The following CNBD2 variants were observed in gnomAD, a reference collection of about 807,000 sequenced individuals.
The protein encoded by CNBD2 is cyclic nucleotide-binding domain-containing protein 2.
Under a neutral mutation model 63.7 loss-of-function variants are expected in CNBD2, and 64 were observed. That is an observed-to-expected ratio of 1.00 (90% CI 0.82 to 1.24). The LOEUF is 1.24. Ranked by LOEUF, CNBD2 falls within the 50% of genes most tolerant of loss-of-function variation. The pLI, the probability that CNBD2 is intolerant of heterozygous loss-of-function variation, is 0.00. For synonymous variants in CNBD2, 229 were observed against 255.4 expected (o/e 0.90, Z 0.99); for missense variants, 691 against 713.5 (o/e 0.97, Z 0.36).
intron 3 of CNBD2, among the ~76,000 whole-genome samples, chr20:35,979,050 G>T (rs2056561445): frequency 6.6e-6 from 1 of 152,180 alleles, no homozygotes; most frequent in Non-Finnish European, 1.5e-5. Flanking sequence ...GTGGGATTAT[G>T]GTCAGTCATT....
intron 8 of CNBD2, among the ~76,000 whole-genome samples, chr20:36,001,927 A>G (rs1221217955): frequency 2.1e-5 from 3 of 145,848 alleles, no homozygotes; most frequent in African/African-American, 7.7e-5. Context: ...GCAGCCAGGC[A>G]GAGGGGCTCC....
At chr20:35,973,522 G>A (rs979519905) in intron 2 of CNBD2, 2 of 152,106 alleles carry the variant, frequency 1.3e-5, no homozygotes, top group African/African-American at 4.8e-5. Context: ...CCATTCTCCT[G>A]CCTCAGCCTC....
At chr20:35,972,407 A>G (rs996240046) in intron 1 of CNBD2, among the ~76,000 whole-genome samples, 21 of 152,280 alleles carry the variant, frequency 1.4e-4, no homozygotes, top group African/African-American at 5.1e-4. Flanking sequence ...GTAGCTGCCA[A>G]TTTCTATGGC....
At chr20:36,003,873 T>C (rs1601075241) in intron 8 of CNBD2, among the ~76,000 whole-genome samples, 1 of 138,506 alleles carries the variant, frequency 7.2e-6, no homozygotes, top group Admixed American at 7.3e-5. Context: ...GGACTCCATC[T>C]GAAAAAAAAA....
At position 36,018,940 on chromosome 20, in the gene CNBD2, C is replaced by T. The variant is rs1257624579; in HGVS notation, c.1270-4662C>T. On this transcript the variant is annotated intron_variant, in intron 10 of 11. Coordinates refer to ENST00000373973, the MANE Select transcript of CNBD2 (RefSeq NM_001365709.1). ...AGCTGCCACCTCTAAAGTTGTGTGG[C>T]TCCATTTGGGTCACTCATTCAGCAG... Among the ~76,000 whole-genome samples the T allele has an allele frequency of 3.9e-5, 6 of 152,164 alleles. No homozygotes were observed. In the South Asian group the frequency reaches 6.2e-4, roughly 16 times the overall value.
At chr20:36,030,315 G>A (rs375993320) in intron 11 of CNBD2, 42 bp from the exon 12 acceptor site, 22 of 1,601,362 alleles carry the variant, frequency 1.4e-5, no homozygotes, top group African/African-American at 8.0e-5. Context: ...CTGGAGGGGC[G>A]GGACTGGCAT....
rs755157274 is a variant in CNBD2, at chr20:36,008,324, A to G, written c.998A>G (p.Glu333Gly). ...SEYSPMERFK[E>G]FQIKSYPLQD... is the part of the protein sequence containing the mutation. ...TACTCTCCTATGGAAAGATTTAAGG[A>G]ATTCCAGATCAAATCATATCCTCTG... The change falls in exon 9 of 12, where the codon GAA (glutamate) becomes GGA (glycine). Residue 333 changes from glutamate to glycine, a missense_variant. Physicochemically the swap from Glu to Gly is moderately conservative, Grantham distance 98. Coordinates refer to ENST00000373973, the MANE Select transcript of CNBD2 (RefSeq NM_001365709.1). The G allele has an allele frequency of 6.2e-7, 1 of 1,612,312 alleles. No homozygotes were observed. Among genetic ancestry groups the G allele is most frequent in the Non-Finnish European group, 8.5e-7 (1 of 1,179,558 alleles).
At chr20:35,980,870 C>A (rs1253629069) in intron 4 of CNBD2, among the ~76,000 whole-genome samples, 1 of 152,212 alleles carries the variant, frequency 6.6e-6, no homozygotes, top group Non-Finnish European at 1.5e-5. Context: ...CAGAGAGGAT[C>A]TGGTCCAATT....
At chr20:35,996,936 C>T (rs1007334822) in intron 8 of CNBD2, among the ~76,000 whole-genome samples, 2 of 152,116 alleles carry the variant, frequency 1.3e-5, no homozygotes, top group Non-Finnish European at 2.9e-5. Context: ...TTCCAAAGCC[C>T]AGACTTTCTT....
intron 8 of CNBD2, 96 bp from the exon 9 acceptor site, chr20:36,008,201 C>A: frequency 9.9e-7 from 1 of 1,006,694 alleles, no homozygotes; most frequent in Non-Finnish European, 1.5e-6. Context: ...GCTAGACCAT[C>A]CAGGCAGGTT....
At chr20:35,984,265 C>A in intron 5 of CNBD2, 127 bp downstream of exon 5, 1 of 948,978 alleles carries the variant, frequency 1.1e-6, no homozygotes, top group Non-Finnish European at 1.6e-6. Flanking sequence ...CCCGTGTGGG[C>A]CCCTTACCTG....
intron 7 of CNBD2, among the ~76,000 whole-genome samples, chr20:35,991,509 C>T (rs1199501634): frequency 6.6e-6 from 1 of 152,054 alleles, no homozygotes; most frequent in Non-Finnish European, 1.5e-5. Context: ...TATTTGCTTC[C>T]TCTGTGCTAA....
intron 10 of CNBD2, among the ~76,000 whole-genome samples, chr20:36,017,506 A>C (rs1406433626): frequency 6.6e-6 from 1 of 152,054 alleles, no homozygotes; most frequent in Non-Finnish European, 1.5e-5. Context: ...CCCTCTGTCA[A>C]TGCTGATTAT....
upstream of CNBD2, among the ~76,000 whole-genome samples, chr20:35,966,823 A>G (rs1314615784): frequency 1.3e-5 from 2 of 152,150 alleles, no homozygotes; most frequent in African/African-American, 2.4e-5. Context: ...TTTCTATGAG[A>G]TAGAGAATGA....
intron 10 of CNBD2, among the ~76,000 whole-genome samples, chr20:36,019,351 C>T (rs2057176507): frequency 1.3e-5 from 2 of 151,552 alleles, no homozygotes; most frequent in African/African-American, 4.9e-5. Context: ...ATGATGAAAC[C>T]CCGTCTCTAC....
intron 8 of CNBD2, among the ~76,000 whole-genome samples, chr20:35,995,417 T>C (rs2056812577): frequency 6.6e-6 from 1 of 152,200 alleles, no homozygotes; most frequent in Non-Finnish European, 1.5e-5. Context: ...ACCCTTTTTT[T>C]CACCCAGCTC....
intron 11 of CNBD2, among the ~76,000 whole-genome samples, chr20:36,025,466 C>T (rs1244117752): frequency 6.6e-6 from 1 of 152,158 alleles, no homozygotes; most frequent in Non-Finnish European, 1.5e-5. Context: ...TCCTGAGTAG[C>T]TGGAACTATA....
chr20:36,024,249 C>T (rs1363931709), intron 11 of CNBD2, among the ~76,000 whole-genome samples: 5 of 152,090 alleles, frequency 3.3e-5, no homozygotes, highest in Admixed American at 2.0e-4. Context: ...GTAGGAGAAT[C>T]GCTTGAACCC....
At chr20:35,954,816 C>T (rs2056235378) in exon 1 of CNBD2, 7 of 341,708 alleles carry the variant, frequency 2.0e-5, no homozygotes, top group South Asian at 1.7e-4. Flanking sequence ...CTGATGGCCC[C>T]TCCTTCGGGA....
Sources: allele counts gnomAD v4.1 joint callset (sites outside exome capture counted in the v4.1 genomes callset), GRCh38; gene constraint gnomAD v4.1.1; transcripts MANE v1.5; gene names NCBI Gene and HGNC (gene_info 2026-07-23, HGNC 2026-07-21).